STYXL1: variants seen among roughly 807,000 people sequenced by gnomAD.
STYXL1 encodes serine/threonine/tyrosine-interacting-like protein 1.
A neutral mutation model predicts 36.4 loss-of-function variants in STYXL1; 32 were observed. That is an observed-to-expected ratio of 0.88 (90% CI 0.66 to 1.18). The LOEUF (loss-of-function observed/expected upper bound fraction) is 1.18. Among genes scored for constraint, STYXL1 ranks in the 50% most tolerant of loss-of-function variants. STYXL1 has a pLI of 0.00. For synonymous variants in STYXL1, 133 were observed against 144.1 expected (o/e 0.92, Z 0.55); for missense variants, 354 against 394.1 (o/e 0.90, Z 0.86).
chr7:76,014,430 C>A (rs1792998978), intron 4 of STYXL1, among the ~76,000 whole-genome samples: 1 of 151,958 alleles, frequency 6.6e-6, no homozygotes, highest in African/African-American at 2.4e-5. Flanking sequence ...CGGCTCACTG[C>A]AACCTCCAGC....
intron 1 of STYXL1, among the ~76,000 whole-genome samples, chr7:76,035,677 T>A (rs1008632268): frequency 6.7e-6 from 1 of 149,804 alleles, no homozygotes. Context: ...AGGAGAGAAG[T>A]GGGCTTTGTG....
At chr7:76,003,060 C>T (rs907596773) in intron 7 of STYXL1, among the ~76,000 whole-genome samples, 1 of 152,186 alleles carries the variant, frequency 6.6e-6, no homozygotes, top group Admixed American at 6.5e-5. Context: ...CTCAGCCCTG[C>T]TCTCTCTACA....
chr7:76,034,987 C>T (rs1352908108), intron 1 of STYXL1, among the ~76,000 whole-genome samples: 1 of 130,590 alleles, frequency 7.7e-6, no homozygotes, highest in African/African-American at 2.6e-5. Flanking sequence ...ACAGCATGGC[C>T]GAAATACAAC....
intron 5 of STYXL1, among the ~76,000 whole-genome samples, chr7:76,011,585 A>T (rs1792556231): frequency 6.6e-6 from 1 of 152,238 alleles, no homozygotes; most frequent in Non-Finnish European, 1.5e-5. Context: ...AGGGGAACAC[A>T]GCTGAAGGCA....
intron 1 of STYXL1, among the ~76,000 whole-genome samples, chr7:76,047,097 TA>T (rs59978907): frequency 0.04 from 6,006 of 151,060 alleles, 265 homozygotes; most frequent in African/African-American, 0.11. Context: ...CCGTCTCTAC[TA>T]AAAAAAAAAT....
chr7:76,032,165 G>C (rs1201506460), intron 1 of STYXL1, among the ~76,000 whole-genome samples: 5 of 152,012 alleles, frequency 3.3e-5, no homozygotes, highest in African/African-American at 9.7e-5. Flanking sequence ...GCCAAGGTAG[G>C]GGGGATTGCT....
chr7:76,047,158 G>A (rs1477435837), intron 1 of STYXL1, among the ~76,000 whole-genome samples: 1 of 151,906 alleles, frequency 6.6e-6, no homozygotes, highest in Non-Finnish European at 1.5e-5. Context: ...CTACTCAGGA[G>A]AATGAGGCAG....
intron 3 of STYXL1, among the ~76,000 whole-genome samples, chr7:76,026,244 G>C (rs1050505304): frequency 7.5e-6 from 1 of 132,618 alleles, no homozygotes; most frequent in African/African-American, 2.8e-5. Flanking sequence ...CAGAGACAGG[G>C]TGTGGAAAAG....
chr7:76,029,987 G>A (rs1795145502), intron 2 of STYXL1, among the ~76,000 whole-genome samples: 1 of 151,822 alleles, frequency 6.6e-6, no homozygotes, highest in South Asian at 2.1e-4. Flanking sequence ...GGGGGTTGCG[G>A]ACTTCTTTTT....
At chr7:76,030,315 A>G (rs567414568) in intron 2 of STYXL1, 106 bp downstream of exon 2, 3 of 721,850 alleles carry the variant, frequency 4.2e-6, no homozygotes, top group South Asian at 3.1e-5. Context: ...TCCCTGTTCT[A>G]AAGTCATTCA....
At chr7:76,037,256 T>C (rs1191585696) in intron 1 of STYXL1, among the ~76,000 whole-genome samples, 1 of 150,400 alleles carries the variant, frequency 6.6e-6, no homozygotes, top group Non-Finnish European at 1.5e-5. Flanking sequence ...AGACACTTAC[T>C]GTCAAGACAG....
At chr7:76,041,301 G>A (rs1328738820) in intron 1 of STYXL1, among the ~76,000 whole-genome samples, 1 of 152,168 alleles carries the variant, frequency 6.6e-6, no homozygotes, top group East Asian at 1.9e-4. Flanking sequence ...GATAGCACAT[G>A]ATTGTGATAT....
intron 3 of STYXL1, among the ~76,000 whole-genome samples, chr7:76,022,887 A>G (rs973239899): frequency 6.6e-6 from 1 of 152,154 alleles, no homozygotes; most frequent in African/African-American, 2.4e-5. Context: ...TGATTGCACC[A>G]CTGCACTCCA....
In STYXL1 at chr7:76,021,080, A is replaced by ATT. The variant is rs200072611; in HGVS notation, c.307+769_307+770dup. Among the ~76,000 whole-genome samples, 367 of 144,926 alleles carry ATT rather than the reference A, an allele frequency of 2.5e-3. 1 individual carries two copies. Among genetic ancestry groups the ATT allele is most frequent in the Middle Eastern group, 0.014 (4 of 276 alleles). On this transcript the variant is annotated intron_variant, in intron 4 of 8. Transcript: ENST00000359697. The stretch of plus-strand genomic sequence containing the variant: ...AATCACATAAGACCCTGTTACAAGA[A>ATT]TTTTTTTTTTTTTTTGAGAAGGAGT...
chr7:76,022,158 A>T (rs542359650), intron 3 of STYXL1, among the ~76,000 whole-genome samples, 166 bp from the exon 4 acceptor site: 1 of 152,252 alleles, frequency 6.6e-6, no homozygotes, highest in East Asian at 1.9e-4. Context: ...AGAGTCTGTT[A>T]AATCCCAAGG....
intron 3 of STYXL1, among the ~76,000 whole-genome samples, chr7:76,024,948 CA>C (rs56728505): frequency 0.47 from 34,057 of 71,780 alleles, 5,329 homozygotes; most frequent in Middle Eastern, 0.66. Context: ...GACTCTGTCT[CA>C]AAAAAAAAAA....
At chr7:76,016,387 G>A (rs1258019285) in intron 4 of STYXL1, among the ~76,000 whole-genome samples, 2 of 147,122 alleles carry the variant, frequency 1.4e-5, no homozygotes, top group Non-Finnish European at 1.5e-5. Flanking sequence ...GCGTATATAC[G>A]TATGTGTGTA....
At chr7:76,042,879 C>G (rs894129476) in intron 1 of STYXL1, among the ~76,000 whole-genome samples, 1 of 152,160 alleles carries the variant, frequency 6.6e-6, no homozygotes, top group Non-Finnish European at 1.5e-5. Flanking sequence ...AAACCAGAAG[C>G]CAGCCCCTAG....
In STYXL1 at chr7:76,046,339, TGCGCGC is replaced by T. The variant is rs60118008; in HGVS notation, c.-5+1317_-5+1322del. ...GTGTGTGTGTGTGTGTGTGTGTGTG[TGCGCGC>T]GCGCGCGCGCGCGCTTTTGAGCCGG... is the stretch of plus-strand genomic sequence containing the variant. On this transcript the variant is annotated intron_variant, in intron 1 of 8. Coordinates refer to ENST00000359697, the MANE Select transcript of STYXL1 (RefSeq NM_001317785.2). 3.6e-3 allele frequency among the ~76,000 whole-genome samples: 163 copies of T among 44,850 alleles called. 2 individuals are homozygous for T. The highest frequency in any genetic ancestry group is 7.2e-3 in the African/African-American group (99 of 13,708). 29.4% of individuals were successfully genotyped at this position (44,850 alleles called of 152,430 possible). A position where few individuals can be genotyped will look rare whatever the true frequency, so the allele number is the denominator to read the frequency against.
Sources: gnomAD v4.1 joint callset for allele counts (sites outside exome capture counted in the v4.1 genomes callset) on GRCh38, gnomAD v4.1.1 for gene constraint, MANE v1.5 for transcripts, NCBI Gene and HGNC (gene_info 2026-07-23, HGNC 2026-07-21) for gene names.